ETV1: variants seen among roughly 807,000 people sequenced by gnomAD.
The protein encoded by ETV1 is ETS translocation variant 1.
ETV1 carries 27 observed loss-of-function variants against 62.3 expected under a neutral mutation model. The observed-to-expected ratio is 0.43, with a 90% CI of 0.32 to 0.60. The LOEUF is 0.60. Among genes scored for constraint, ETV1 ranks in the 20% least tolerant of loss-of-function variants. The pLI, the probability that ETV1 is intolerant of heterozygous loss-of-function variation, is 0.06. For synonymous variants in ETV1, 222 were observed against 199.6 expected (o/e 1.11, Z -0.94); for missense variants, 605 against 605.8 (o/e 1.00, Z 0.01).
chr7:13,896,774 A>AAGAAAGAAAG (rs1375794182), intron 13 of ETV1, among the ~76,000 whole-genome samples: 1 of 151,636 alleles, frequency 6.6e-6, no homozygotes, highest in Non-Finnish European at 1.5e-5. Context: ...GAAAGAAAGA[A>AAGAAAGAAAG]AGAAAGAAAG....
At chr7:13,971,981 G>T (rs544017232) in intron 6 of ETV1, among the ~76,000 whole-genome samples, 1 of 151,946 alleles carries the variant, frequency 6.6e-6, no homozygotes, top group Non-Finnish European at 1.5e-5. Flanking sequence ...GCATGGTAGC[G>T]CATGCCTGTA....
intron 6 of ETV1, among the ~76,000 whole-genome samples, chr7:13,956,835 TG>T (rs1434493331): frequency 6.6e-6 from 1 of 152,210 alleles, no homozygotes; most frequent in Non-Finnish European, 1.5e-5. Context: ...TTGATTTTAT[TG>T]TCACATAAAT....
chr7:13,939,543 A>C lies in ETV1; in HGVS notation c.236-297T>G, dbSNP rs1305755456. On this transcript the variant is annotated intron_variant, in intron 6 of 13. Coordinates refer to ENST00000430479, the MANE Select transcript of ETV1 (RefSeq NM_004956.5). The stretch of plus-strand genomic sequence containing the variant: ...AATGCTAGAAGCTCAGTTTCAAGAA[A>C]GTACATTTTGAAAACATATCAGAAA... Among the ~76,000 whole-genome samples, 5 of 152,238 alleles carry C rather than the reference A, an allele frequency of 3.3e-5. No homozygotes were observed. The East Asian group carries it at 9.6e-4, about 29-fold the overall frequency.
At chr7:13,947,837 G>A (rs1788353248) in intron 6 of ETV1, among the ~76,000 whole-genome samples, 8 of 152,178 alleles carry the variant, frequency 5.3e-5, no homozygotes, top group African/African-American at 2.4e-5. Context: ...GCTATGGAAT[G>A]AAGATAAATA....
intron 6 of ETV1, among the ~76,000 whole-genome samples, chr7:13,962,956 C>T (rs1269873675): frequency 1.3e-5 from 2 of 152,014 alleles, no homozygotes; most frequent in African/African-American, 4.8e-5. Context: ...ATAGTCATGG[C>T]AAATCAATGA....
chr7:13,913,474 A>G (rs901279344), intron 9 of ETV1, among the ~76,000 whole-genome samples: 1 of 152,260 alleles, frequency 6.6e-6, no homozygotes, highest in Admixed American at 6.5e-5. Context: ...AATAATAATA[A>G]TAATGACATC....
chr7:13,905,103 T>A (rs2128412397), intron 12 of ETV1, among the ~76,000 whole-genome samples: 1 of 151,884 alleles, frequency 6.6e-6, no homozygotes, highest in South Asian at 2.1e-4. Context: ...TTCTAACCAG[T>A]GCCTTTTATT....
At position 13,900,821 on chromosome 7, in the gene ETV1, T is replaced by A. The variant is rs1272210222; in HGVS notation, c.1129A>T (p.Ile377Phe). The change falls in exon 13 of 14, where the codon ATT becomes TTT. Residue 377 changes from isoleucine to phenylalanine, a missense_variant. Ile to Phe is a conservative substitution (Grantham distance 21). Coordinates refer to ENST00000430479, the MANE Select transcript of ETV1 (RefSeq NM_004956.5). ...TTCATAGCTGGCCTGTTTTTCTGAATGCCCCAACGTCGGGCCACCTGCCGC... is the reference window on the plus strand; with the variant it reads ...TTCATAGCTGGCCTGTTTTTCTGAAAGCCCCAACGTCGGGCCACCTGCCGC... ...EPEEVARRWGIQKNRPAMNYD... is the reference protein window; with the variant it reads ...EPEEVARRWGFQKNRPAMNYD... The A allele has an allele frequency of 6.2e-7, 1 of 1,608,876 alleles. No individual in the cohort carries two copies. Among genetic ancestry groups the A allele is most frequent in the South Asian group, 1.1e-5 (1 of 89,832 alleles).
intron 6 of ETV1, among the ~76,000 whole-genome samples, chr7:13,964,292 G>T (rs1790522986): frequency 6.6e-6 from 1 of 152,108 alleles, no homozygotes; most frequent in South Asian, 2.1e-4. Flanking sequence ...ATCTTTATAG[G>T]GATGAGCCAT....
chr7:13,973,481 G>A (rs1404192061), intron 6 of ETV1, among the ~76,000 whole-genome samples: 1 of 152,088 alleles, frequency 6.6e-6, no homozygotes, highest in Non-Finnish European at 1.5e-5. Flanking sequence ...ATAAACTTCT[G>A]CATCCAGAAA....
intron 9 of ETV1, among the ~76,000 whole-genome samples, chr7:13,913,788 A>G (rs952895512): frequency 2.6e-5 from 4 of 151,706 alleles, no homozygotes; most frequent in African/African-American, 9.7e-5. Flanking sequence ...CTATTAATCT[A>G]TGATATCTAA....
At chr7:13,896,577 G>C (rs557228951) in intron 13 of ETV1, among the ~76,000 whole-genome samples, 27 of 152,012 alleles carry the variant, frequency 1.8e-4, no homozygotes, top group Non-Finnish European at 2.8e-4. Flanking sequence ...TTCCCAATAA[G>C]ACTAGACTAG....
chr7:13,931,433 A>G (rs1235881248), intron 9 of ETV1, 69 bp downstream of exon 9: 1 of 1,584,928 alleles, frequency 6.3e-7, no homozygotes, highest in Non-Finnish European at 8.6e-7. Flanking sequence ...TCTGATACCA[A>G]CACTAACCAA....
intron 8 of ETV1, 27 bp downstream of exon 8, chr7:13,935,681 T>C: frequency 1.3e-6 from 2 of 1,596,554 alleles, no homozygotes; most frequent in African/African-American, 1.3e-5. Context: ...AAAAACAGTT[T>C]CTAGAAAACT....
chr7:13,907,905 T>C (rs778462261), intron 11 of ETV1: 5 of 463,584 alleles, frequency 1.1e-5, no homozygotes, highest in South Asian at 7.9e-5. Flanking sequence ...AAAATCATTA[T>C]GTTGTTTTGG....
chr7:13,914,058 T>C, intron 9 of ETV1, among the ~76,000 whole-genome samples: 1 of 151,958 alleles, frequency 6.6e-6, no homozygotes, highest in Admixed American at 6.5e-5. Flanking sequence ...TAATTTTTTG[T>C]ATTTTTAGTA....
intron 12 of ETV1, among the ~76,000 whole-genome samples, chr7:13,905,409 C>A (rs763298806): frequency 1.3e-5 from 2 of 152,134 alleles, no homozygotes; most frequent in African/African-American, 4.8e-5. Context: ...AGCTAAAAAT[C>A]TTCCATTGCT....
intron 5 of ETV1, among the ~76,000 whole-genome samples, chr7:13,980,420 A>G (rs1286165250): frequency 1.3e-5 from 2 of 152,162 alleles, no homozygotes; most frequent in East Asian, 3.9e-4. Context: ...TACCAACTCC[A>G]AAGTTGAAAA....
rs533822979 is a variant in ETV1, at chr7:13,915,265, C to T, written c.803-3958G>A. The stretch of plus-strand genomic sequence containing the variant: ...TATTGTATATTGATGATTTCTAAAA[C>T]TTGGTGCATAAAATATCCAGAGCCA... On this transcript the variant is annotated intron_variant, in intron 9 of 13. Transcript: ENST00000430479. 7.6e-4 allele frequency among the ~76,000 whole-genome samples: 116 copies of T among 152,238 alleles called. 1 individual carries two copies. The Middle Eastern group carries it at 0.014, about 18-fold the overall frequency.
Sources: gnomAD v4.1 joint callset for allele counts (sites outside exome capture counted in the v4.1 genomes callset) on GRCh38, gnomAD v4.1.1 for gene constraint, MANE v1.5 for transcripts, NCBI Gene and HGNC (gene_info 2026-07-23, HGNC 2026-07-21) for gene names.